Variants in CLSTN2 observed in about 807,000 individuals in gnomAD.
CLSTN2 encodes calsyntenin-2.
In CLSTN2, 48 loss-of-function variants were observed where a neutral mutation model predicts 101.2. The ratio of observed to expected loss-of-function variants is 0.47; its 90% CI spans 0.38 to 0.60. The LOEUF (loss-of-function observed/expected upper bound fraction) is 0.60. Among genes scored for constraint, CLSTN2 ranks in the 20% least tolerant of loss-of-function variants. CLSTN2 has a pLI of 0.00. For synonymous variants in CLSTN2, 481 were observed against 463.6 expected (o/e 1.04, Z -0.48); for missense variants, 1,160 against 1,238.2 (o/e 0.94, Z 0.95).
rs1559896311 is a variant in CLSTN2 at position 140,532,491 on chromosome 3, T to A, written c.1507+5T>A. On this transcript the variant is annotated splice_donor_5th_base_variant and intron_variant, in intron 9 of 16. Coordinates refer to ENST00000458420, the MANE Select transcript of CLSTN2 (RefSeq NM_022131.3). ...CAGTCGGCGCTTGTTGGCAAGGTAA[T>A]CCTAAGTGAAACCCTTTTCTCTGAC... 1 of 1,610,154 alleles carries A rather than the reference T, an allele frequency of 6.2e-7. No individual in the cohort carries two copies. Among genetic ancestry groups the A allele is most frequent in the African/African-American group, 1.3e-5 (1 of 74,908 alleles).
intron 8 of CLSTN2, among the ~76,000 whole-genome samples, chr3:140,472,939 T>C (rs912845938): frequency 6.6e-6 from 1 of 152,188 alleles, no homozygotes; most frequent in African/African-American, 2.4e-5. Flanking sequence ...CCTGACTGTT[T>C]CCATTTCAAA....
intron 2 of CLSTN2, among the ~76,000 whole-genome samples, chr3:140,199,190 C>A (rs559905251): frequency 9.2e-5 from 14 of 152,190 alleles, no homozygotes; most frequent in African/African-American, 3.1e-4. Flanking sequence ...TTGCATCAGA[C>A]TTTTTCTCCC....
intron 8 of CLSTN2, among the ~76,000 whole-genome samples, chr3:140,470,338 G>A (rs553451944): frequency 5.3e-5 from 8 of 152,342 alleles, no homozygotes; most frequent in Admixed American, 3.9e-4. Flanking sequence ...GGCTGGGGCC[G>A]GATCAGGGGA....
At chr3:140,288,335 G>C (rs754284226) in intron 2 of CLSTN2, among the ~76,000 whole-genome samples, 153 of 152,134 alleles carry the variant, frequency 1.0e-3, no homozygotes, top group Non-Finnish European at 1.7e-3. Context: ...GTCCGCTCTG[G>C]GTTATATGCC....
chr3:140,443,901 G>A (rs3926166), intron 5 of CLSTN2, among the ~76,000 whole-genome samples: 51,197 of 152,062 alleles, frequency 0.34, 10,450 homozygotes, highest in Middle Eastern at 0.48. Flanking sequence ...CACATGACTC[G>A]CATTTGGCAG....
In CLSTN2 at chr3:140,537,081, T is replaced by C. The variant is rs73870103; in HGVS notation, c.1507+4595T>C. 8.4e-3 allele frequency among the ~76,000 whole-genome samples: 1,278 copies of C among 152,342 alleles called. 25 individuals are homozygous for C. The highest frequency in any genetic ancestry group is 0.029 in the African/African-American group (1,215 of 41,588). Reference sequence around the variant, plus strand: ...ACCTTCTGAAGTCCACTTATATACATAGTATAATCTCTCTGTGTGAACCTT... The same window carrying C: ...ACCTTCTGAAGTCCACTTATATACACAGTATAATCTCTCTGTGTGAACCTT... On this transcript the variant is annotated intron_variant, in intron 9 of 16. Transcript: ENST00000458420.
chr3:140,238,547 G>T (rs2086435041), intron 2 of CLSTN2, among the ~76,000 whole-genome samples: 1 of 152,104 alleles, frequency 6.6e-6, no homozygotes, highest in Non-Finnish European at 1.5e-5. Flanking sequence ...GGTAATCAGA[G>T]ATTTCTCTTC....
At chr3:139,959,243 T>C (rs1386325473) in intron 1 of CLSTN2, among the ~76,000 whole-genome samples, 1 of 152,136 alleles carries the variant, frequency 6.6e-6, no homozygotes, top group Non-Finnish European at 1.5e-5. Flanking sequence ...CGTGTCTCCT[T>C]CTTTTATCCC....
chr3:140,188,056 T>C (rs752671135), intron 2 of CLSTN2, among the ~76,000 whole-genome samples: 5 of 152,166 alleles, frequency 3.3e-5, no homozygotes, highest in Non-Finnish European at 7.3e-5. Flanking sequence ...AGTGTACTTG[T>C]CTATTTGTGA....
At chr3:140,456,701 C>T (rs765269823) in intron 6 of CLSTN2, among the ~76,000 whole-genome samples, 3 of 152,034 alleles carry the variant, frequency 2.0e-5, no homozygotes, top group Non-Finnish European at 2.9e-5. Context: ...GCAGGAGAAT[C>T]GCTTGAACCC....
At chr3:140,107,714 C>G (rs2009084099) in intron 1 of CLSTN2, among the ~76,000 whole-genome samples, 1 of 152,174 alleles carries the variant, frequency 6.6e-6, no homozygotes, top group Non-Finnish European at 1.5e-5. Context: ...CCTCACCTCT[C>G]CACCTTGGGG....
intron 1 of CLSTN2, among the ~76,000 whole-genome samples, chr3:139,994,707 C>T (rs1395332790): frequency 6.6e-6 from 1 of 152,132 alleles, no homozygotes; most frequent in African/African-American, 2.4e-5. Flanking sequence ...CACGTCCTTC[C>T]CCTGAATATT....
At chr3:140,528,023 T>C (rs1345529736) in intron 8 of CLSTN2, among the ~76,000 whole-genome samples, 2 of 152,184 alleles carry the variant, frequency 1.3e-5, no homozygotes, top group South Asian at 2.1e-4. Context: ...TCACACAATA[T>C]ACCCATGTAA....
intron 6 of CLSTN2, among the ~76,000 whole-genome samples, chr3:140,456,801 A>AAAATG (rs5852983): frequency 0.37 from 56,250 of 151,510 alleles, 11,025 homozygotes; most frequent in African/African-American, 0.5. Context: ...AAAATAAAAT[A>AAAATG]AAATAATAAA....
intron 2 of CLSTN2, among the ~76,000 whole-genome samples, chr3:140,282,700 C>A (rs564285294): frequency 6.6e-6 from 1 of 152,166 alleles, no homozygotes; most frequent in Non-Finnish European, 1.5e-5. Flanking sequence ...AGAAAACCAA[C>A]TTATAGAGTG....
intron 1 of CLSTN2, among the ~76,000 whole-genome samples, chr3:140,102,570 C>G (rs2008985713): frequency 2.0e-5 from 3 of 152,182 alleles, no homozygotes; most frequent in African/African-American, 7.2e-5. Flanking sequence ...TCCCACAAGC[C>G]AGGAAGTAAT....
At chr3:139,956,102 TTCC>T (rs2107812445) in intron 1 of CLSTN2, among the ~76,000 whole-genome samples, 1 of 152,302 alleles carries the variant, frequency 6.6e-6, no homozygotes, top group African/African-American at 2.4e-5. Flanking sequence ...GTCTCCTGAC[TTCC>T]CTATTTTCCA....
At chr3:140,392,691 G>T (rs2088129255) in intron 2 of CLSTN2, among the ~76,000 whole-genome samples, 1 of 152,030 alleles carries the variant, frequency 6.6e-6, no homozygotes, top group Non-Finnish European at 1.5e-5. Flanking sequence ...TTTTCAATTT[G>T]TGCCTAAGTT....
chr3:140,389,463 T>C (rs1412007789), intron 2 of CLSTN2, among the ~76,000 whole-genome samples: 2 of 152,256 alleles, frequency 1.3e-5, no homozygotes, highest in Non-Finnish European at 2.9e-5. Context: ...GCAAAGGACA[T>C]GATCTTTTCC....
Sources: allele counts gnomAD v4.1 joint callset (sites outside exome capture counted in the v4.1 genomes callset), GRCh38; gene constraint gnomAD v4.1.1; transcripts MANE v1.5; gene names NCBI Gene and HGNC (gene_info 2026-07-23, HGNC 2026-07-21).